ARHGAP9: variants seen among roughly 807,000 people sequenced by gnomAD.
The protein encoded by ARHGAP9 is Rho GTPase activating protein 9.
ARHGAP9 carries 76 observed loss-of-function variants against 87.3 expected under a neutral mutation model. The observed-to-expected ratio is 0.87, with a 90% CI of 0.72 to 1.05. ARHGAP9 has a LOEUF of 1.05. Among genes scored for constraint, ARHGAP9 ranks in the 50% least tolerant of loss-of-function variants. The pLI is 0.00. For synonymous variants in ARHGAP9, 382 were observed against 394.9 expected (o/e 0.97, Z 0.39); for missense variants, 941 against 960.5 (o/e 0.98, Z 0.27).
At chr12:57,478,469 T>G in intron 3 of ARHGAP9, 71 bp downstream of exon 3, 1 of 1,455,106 alleles carries the variant, frequency 6.9e-7, no homozygotes, top group Non-Finnish European at 9.6e-7. Flanking sequence ...CCCAGGGGAG[T>G]CCCCTGAAGA....
At chr12:57,485,864 T>C (rs1424431590) in intron 1 of ARHGAP9, among the ~76,000 whole-genome samples, 1 of 152,150 alleles carries the variant, frequency 6.6e-6, no homozygotes, top group Non-Finnish European at 1.5e-5. Context: ...GATGGGCTGG[T>C]CTGGAAGGCT....
upstream of ARHGAP9, among the ~76,000 whole-genome samples, chr12:57,481,745 AC>A (rs1875026184): frequency 1.3e-5 from 2 of 151,984 alleles, no homozygotes. Flanking sequence ...AACACAATTG[AC>A]CTTTCTCTCC....
chr12:57,474,247 C>A, intron 15 of ARHGAP9, 71 bp from the exon 16 acceptor site: 1 of 1,586,842 alleles, frequency 6.3e-7, no homozygotes, highest in South Asian at 1.1e-5. Flanking sequence ...ATTAGAAGTT[C>A]TGGAGAAATC....
At chr12:57,483,224 C>T (rs1483770368), upstream of ARHGAP9, among the ~76,000 whole-genome samples, 1 of 152,180 alleles carries the variant, frequency 6.6e-6, no homozygotes, top group Non-Finnish European at 1.5e-5. Flanking sequence ...CCCTATTTCC[C>T]ATGCCAGAAA....
upstream of ARHGAP9, chr12:57,480,688 C>A (rs746014834): frequency 6.9e-5 from 88 of 1,267,658 alleles, no homozygotes; most frequent in Non-Finnish European, 9.3e-5. Context: ...AGATAGGGGA[C>A]TGATGCCAGC....
chr12:57,475,736 C>T (rs758135347), intron 10 of ARHGAP9, 97 bp downstream of exon 10: 1 of 1,485,192 alleles, frequency 6.7e-7, no homozygotes, highest in South Asian at 1.2e-5. Flanking sequence ...CCACTGAGCC[C>T]ACCCTGCCCC....
At chr12:57,474,575 T>G (rs766890985) in intron 14 of ARHGAP9, 51 bp downstream of exon 14, 1 of 1,613,256 alleles carries the variant, frequency 6.2e-7, no homozygotes, top group Non-Finnish European at 8.5e-7. Context: ...CCGCCCATGG[T>G]TCTCAGGCAA....
Position 57,475,813 on chromosome 12 carries a change from C to T in ARHGAP9, c.1311+20G>A, listed in dbSNP as rs1873429431. ...GTCCCGGCCGGTCGGAGCCTCCCTC[C>T]GGGCCTCCACCCATCTAACCAGCCG... is the stretch of plus-strand genomic sequence containing the variant. On this transcript the variant is annotated intron_variant, in intron 10 of 17. Coordinates refer to ENST00000393791, the MANE Select transcript of ARHGAP9 (RefSeq NM_032496.4). 1 of 1,612,232 alleles carries T rather than the reference C, an allele frequency of 6.2e-7. No homozygotes were observed.
intron 3 of ARHGAP9, 31 bp from the exon 4 acceptor site, chr12:57,477,711 C>A: frequency 1.2e-6 from 2 of 1,607,388 alleles, no homozygotes; most frequent in South Asian, 2.2e-5. Flanking sequence ...AGGAGGTGGT[C>A]ATTCTGCCTG....
At chr12:57,477,079 G>A (rs1874046444) in intron 5 of ARHGAP9, 77 bp downstream of exon 5, 1 of 1,549,112 alleles carries the variant, frequency 6.5e-7, no homozygotes, top group Non-Finnish European at 8.9e-7. Flanking sequence ...GGGGAATGGA[G>A]AATGTCTTAC....
At chr12:57,488,260 C>G in intron 1 of ARHGAP9, 11 of 1,497,830 alleles carry the variant, frequency 7.3e-6, no homozygotes, top group Non-Finnish European at 1.0e-5. Flanking sequence ...ACGCCAGATT[C>G]TCTGCAGCTG....
rs368417015 is a variant in ARHGAP9 at position 57,477,622 on chromosome 12, C to T, written c.593G>A (p.Arg198His). The T allele has an allele frequency of 2.0e-5, 32 of 1,612,680 alleles. No individual in the cohort carries two copies. The highest frequency in any genetic ancestry group is 1.6e-4 in the Middle Eastern group (1 of 6,080). Residue 198 changes from arginine (R) to histidine (H), a missense_variant, in exon 4 of 18, where the codon CGC (arginine) becomes CAC (histidine). Arg to His is a conservative substitution (Grantham distance 29, BLOSUM62 0). Transcript: ENST00000393791. ...TGGGGGTGGGGACCGAGGACAGCGG[C>T]GAAGGTCCACCAGGTTACAGTACAC... is the stretch of plus-strand genomic sequence containing the variant. ...PPVYCNLVDLRRCPRSPPPGP... is the reference protein window; with the variant it reads ...PPVYCNLVDLHRCPRSPPPGP...
chr12:57,473,608 T>A lies in ARHGAP9; in HGVS notation c.2019A>T (p.Leu673Phe), dbSNP rs771841537. 1 of 1,612,878 alleles carries A rather than the reference T, an allele frequency of 6.2e-7. No homozygotes were observed. The highest frequency in any genetic ancestry group is 8.5e-7 in the Non-Finnish European group (1 of 1,178,932). ...HDTLRYLLEH[L>F]CRVIAHSDKN... ...AGAGGTTCTGTCTTCCTGACCTGCA[T>A]AAATGCTCCAGGAGGTACCGTAGAG... The change falls in exon 17 of 18, where the codon TTA (leucine) becomes TTT (phenylalanine). Residue 673 changes from leucine to phenylalanine, a missense_variant. Leu to Phe is a conservative substitution (Grantham distance 22). Coordinates refer to ENST00000393791, the MANE Select transcript of ARHGAP9 (RefSeq NM_032496.4).
rs757372737 is a variant in ARHGAP9, at chr12:57,475,963, A to T, written c.1213-32T>A. On this transcript the variant is annotated intron_variant, in intron 9 of 17. Coordinates refer to ENST00000393791, the MANE Select transcript of ARHGAP9 (RefSeq NM_032496.4). ...GCCAGGCAAGGAAACGCTCGGGTCA[A>T]CGGGAAGGAGTATAATAAGCAGGGA... 4 of 1,598,862 alleles carry T rather than the reference A, an allele frequency of 2.5e-6. No homozygotes were observed. The South Asian group carries it at 4.5e-5, about 18-fold the overall frequency.
rs1873452856 is a variant in ARHGAP9 at position 57,475,873 on chromosome 12, C to CGCA, written c.1268_1270dup (p.Leu423dup). ...AGTCCGCAGCGCGCGGTGCCAGGCT[C>CGCA]GCAGCTCTGTCTCGTGGTCCGACTG... On this transcript the variant is annotated inframe_insertion, in exon 10 of 18. Transcript: ENST00000393791. 6.2e-6 allele frequency: 10 copies of CGCA among 1,613,828 alleles called. No individual in the cohort carries two copies. The highest frequency in any genetic ancestry group is 1.7e-5 in the Admixed American group (1 of 59,990).
upstream of ARHGAP9, among the ~76,000 whole-genome samples, chr12:57,483,196 T>C (rs1875157157): frequency 1.3e-5 from 2 of 152,204 alleles, no homozygotes; most frequent in Admixed American, 6.5e-5. Flanking sequence ...TCATCTGTTG[T>C]AGCACATAGA....
intron 1 of ARHGAP9, among the ~76,000 whole-genome samples, chr12:57,485,196 C>A (rs1875308128): frequency 6.6e-6 from 1 of 152,016 alleles, no homozygotes; most frequent in Non-Finnish European, 1.5e-5. Context: ...ATTTGTCCAC[C>A]TCGGCCTCCC....
chr12:57,486,891 A>AG (rs932357557), intron 1 of ARHGAP9, among the ~76,000 whole-genome samples: 3 of 99,840 alleles, frequency 3.0e-5, no homozygotes, highest in African/African-American at 1.4e-4. Flanking sequence ...GTCTCAAAGA[A>AG]AAAAAAAAAA....
chr12:57,488,536 C>T (rs1875645691), intron 1 of ARHGAP9: 7 of 1,535,316 alleles, frequency 4.6e-6, no homozygotes, highest in Non-Finnish European at 6.2e-6. Context: ...GCATGACAGC[C>T]CCCAGGCACC....
Sources: gnomAD v4.1 joint callset for allele counts (sites outside exome capture counted in the v4.1 genomes callset) on GRCh38, gnomAD v4.1.1 for gene constraint, MANE v1.5 for transcripts, NCBI Gene and HGNC (gene_info 2026-07-23, HGNC 2026-07-21) for gene names.